CSMD1: variants seen among roughly 807,000 people sequenced by gnomAD.
The protein encoded by CSMD1 is CUB and Sushi multiple domains 1, also known as CUB and sushi domain-containing protein 1.
CSMD1 carries 213 observed loss-of-function variants against 417.5 expected under a neutral mutation model. That is an observed-to-expected ratio of 0.51 (90% CI 0.46 to 0.57). The LOEUF is 0.57. CSMD1 is among the 20% of genes least tolerant of loss of function. CSMD1 has a pLI of 0.00. For missense variants in CSMD1, 6,923 were observed against 4,529.7 expected, an observed-to-expected ratio of 1.53 and a Z score of -15.17; for synonymous variants, 2,862 against 1,736.8, an observed-to-expected ratio of 1.65 and a Z score of -16.11.
At chr8:3,051,537 C>T (rs1418165956) in intron 50 of CSMD1, among the ~76,000 whole-genome samples, 3 of 152,136 alleles carry the variant, frequency 2.0e-5, no homozygotes, top group Non-Finnish European at 2.9e-5. Flanking sequence ...CACACCAAAC[C>T]CCTGTGACAC....
At chr8:3,247,548 G>A (rs897347680) in intron 26 of CSMD1, among the ~76,000 whole-genome samples, 1 of 152,196 alleles carries the variant, frequency 6.6e-6, no homozygotes, top group Non-Finnish European at 1.5e-5. Context: ...GGGCCAGGAT[G>A]CCAGGGTCTT....
intron 3 of CSMD1, among the ~76,000 whole-genome samples, chr8:4,174,235 C>T (rs79711974): frequency 2.0e-5 from 3 of 152,092 alleles, no homozygotes; most frequent in Admixed American, 2.0e-4. Context: ...GTCTTGAAAG[C>T]AAAGCGCTAA....
intron 37 of CSMD1, among the ~76,000 whole-genome samples, chr8:3,166,932 C>A (rs566971043): frequency 6.6e-6 from 1 of 152,178 alleles, no homozygotes; most frequent in Non-Finnish European, 1.5e-5. Context: ...TCACAGCATA[C>A]ATATGCTTCA....
chr8:3,439,666 A>C (rs1432164751), intron 12 of CSMD1, among the ~76,000 whole-genome samples: 2 of 152,174 alleles, frequency 1.3e-5, no homozygotes, highest in East Asian at 3.8e-4. Flanking sequence ...GGTAATAATC[A>C]ATTATTTGGT....
intron 3 of CSMD1, among the ~76,000 whole-genome samples, chr8:4,189,001 C>T (rs1395267288): frequency 2.0e-5 from 3 of 152,078 alleles, no homozygotes; most frequent in Non-Finnish European, 2.9e-5. Flanking sequence ...GTGATGTAAA[C>T]AGAAATACAC....
chr8:4,987,320 C>T (rs1316465724), intron 1 of CSMD1, among the ~76,000 whole-genome samples: 1 of 152,174 alleles, frequency 6.6e-6, no homozygotes, highest in East Asian at 1.9e-4. Context: ...GTCATGCCCA[C>T]CCTGACTTTG....
intron 2 of CSMD1, 64 bp downstream of exon 2, chr8:4,637,278 A>C (rs1323952405): frequency 5.2e-6 from 7 of 1,350,258 alleles, no homozygotes; most frequent in Non-Finnish European, 7.3e-6. Flanking sequence ...AAATATTCCA[A>C]CTAGATTTCA....
intron 7 of CSMD1, among the ~76,000 whole-genome samples, chr8:3,671,008 T>TGGC (rs1563256011): frequency 7.0e-5 from 3 of 42,806 alleles, no homozygotes; most frequent in African/African-American, 3.1e-4. Context: ...ATGTATGGGA[T>TGGC]ATATATGTAT....
chr8:4,922,709 C>T (rs937781175), intron 1 of CSMD1, among the ~76,000 whole-genome samples: 8 of 152,148 alleles, frequency 5.3e-5, no homozygotes, highest in Non-Finnish European at 2.9e-5. Context: ...GACAGACCAG[C>T]CCATTATATG....
chr8:3,881,584 G>C (rs1301257527), intron 5 of CSMD1, among the ~76,000 whole-genome samples: 4 of 147,690 alleles, frequency 2.7e-5, no homozygotes, highest in Non-Finnish European at 6.0e-5. Context: ...CAGCCTGCCT[G>C]GGTGACAGAG....
chr8:3,088,473 C>T (rs1178253681), intron 48 of CSMD1, among the ~76,000 whole-genome samples: 1 of 152,140 alleles, frequency 6.6e-6, no homozygotes, highest in African/African-American at 2.4e-5. Context: ...TGCTCCTTTC[C>T]TTGGAAATAC....
chr8:3,789,223 C>A (rs1282543320), intron 5 of CSMD1, among the ~76,000 whole-genome samples: 2 of 152,040 alleles, frequency 1.3e-5, no homozygotes, highest in Admixed American at 6.6e-5. Context: ...AGATAGTGGG[C>A]CCTCACCAGA....
chr8:3,036,774 T>C (rs1425702967), intron 50 of CSMD1, among the ~76,000 whole-genome samples: 1 of 152,166 alleles, frequency 6.6e-6, no homozygotes, highest in Non-Finnish European at 1.5e-5. Context: ...AAAAAACCCG[T>C]CCACCAAGAC....
At chr8:3,756,662 G>C (rs568866713) in intron 5 of CSMD1, among the ~76,000 whole-genome samples, 1 of 152,282 alleles carries the variant, frequency 6.6e-6, no homozygotes, top group Non-Finnish European at 1.5e-5. Flanking sequence ...CAAAAGATCA[G>C]CGAATGTAGG....
At chr8:3,872,713 T>C (rs191893130) in intron 5 of CSMD1, among the ~76,000 whole-genome samples, 15 of 152,202 alleles carry the variant, frequency 9.9e-5, no homozygotes, top group Non-Finnish European at 1.6e-4. Context: ...GGCCTTGTTC[T>C]CACTATTAAC....
At chr8:3,940,778 T>C (rs920331554) in intron 5 of CSMD1, among the ~76,000 whole-genome samples, 3 of 151,962 alleles carry the variant, frequency 2.0e-5, no homozygotes, top group South Asian at 4.2e-4. Context: ...CACAGTTCTC[T>C]TTTTATTAAA....
At chr8:4,852,046 G>C (rs1015963749) in intron 1 of CSMD1, among the ~76,000 whole-genome samples, 2 of 152,090 alleles carry the variant, frequency 1.3e-5, no homozygotes, top group African/African-American at 4.8e-5. Flanking sequence ...TCCTCAGCAG[G>C]GCTTAATGTG....
chr8:3,206,585 G>C lies in CSMD1; in HGVS notation c.4868-965C>G, dbSNP rs868239323. Among the ~76,000 whole-genome samples the C allele has an allele frequency of 1.5e-4, 21 of 142,124 alleles. 1 individual carries two copies. Among genetic ancestry groups the C allele is most frequent in the African/African-American group, 5.5e-4 (21 of 38,046 alleles). 93.2% of individuals were successfully genotyped at this position (142,124 alleles called of 152,430 possible). On this transcript the variant is annotated intron_variant, in intron 30 of 69. Transcript: ENST00000635120. ...TGTGTATGTGTGTGTGTGTGTATGT[G>C]TGGGGGGCGTATGTCTGTATGTGTG...
chr8:3,566,985 T>A (rs1043074950), intron 10 of CSMD1, among the ~76,000 whole-genome samples: 3 of 152,228 alleles, frequency 2.0e-5, no homozygotes, highest in African/African-American at 7.2e-5. Flanking sequence ...TATAAGTTCA[T>A]TGCAGCACTA....
Sources: gnomAD v4.1 joint callset for allele counts (sites outside exome capture counted in the v4.1 genomes callset) on GRCh38, gnomAD v4.1.1 for gene constraint, MANE v1.5 for transcripts, NCBI Gene and HGNC (gene_info 2026-07-23, HGNC 2026-07-21) for gene names.